Variants in RCC1L observed in about 807,000 individuals in gnomAD.
RCC1L encodes RCC1 like.
RCC1L carries 46 observed loss-of-function variants against 58.6 expected under a neutral mutation model. The observed-to-expected ratio is 0.79, with a 90% CI of 0.62 to 1.00. The LOEUF is 1.00. Among genes scored for constraint, RCC1L ranks in the 50% least tolerant of loss-of-function variants. The pLI is 0.00. For missense variants in RCC1L, 636 were observed against 623.6 expected, an observed-to-expected ratio of 1.02 and a Z score of -0.21; for synonymous variants, 281 against 262.9, an observed-to-expected ratio of 1.07 and a Z score of -0.67.
intron 3 of RCC1L, among the ~76,000 whole-genome samples, chr7:75,065,392 TAA>T (rs1806435432): frequency 6.6e-6 from 1 of 151,366 alleles, no homozygotes; most frequent in Admixed American, 6.6e-5. Context: ...CTGTCTCTAC[TAA>T]AAATACAAAA....
rs913041049 is a variant in RCC1L, at chr7:75,058,682, C to T, written c.875G>A (p.Gly292Asp). The change falls in exon 7 of 11, where the codon GGT (glycine) becomes GAT (aspartate). Residue 292 changes from glycine to aspartate, a missense_variant. Coordinates refer to ENST00000610322, the MANE Select transcript of RCC1L (RefSeq NM_030798.5). ...GGCGGACACGGCCAGGCAGCAATCA[C>T]CGTAGGTGGCAACTTGGATAACGTT... ...GVNVIQVATY[G>D]DCCLAVSADG... 2.0e-5 allele frequency: 33 copies of T among 1,613,888 alleles called. No homozygotes were observed. Among genetic ancestry groups the T allele is most frequent in the Non-Finnish European group, 2.6e-5 (31 of 1,179,876 alleles).
intron 3 of RCC1L, among the ~76,000 whole-genome samples, chr7:75,066,287 T>C (rs1806480099): frequency 1.3e-5 from 2 of 151,528 alleles, no homozygotes; most frequent in Middle Eastern, 3.4e-3. Context: ...CCGTCTCTAC[T>C]AAAAATACAA....
At position 75,057,541 on chromosome 7, in the gene RCC1L, C is replaced by T; in HGVS notation, c.1045G>A (p.Ala349Thr). 1 of 1,613,958 alleles carries T rather than the reference C, an allele frequency of 6.2e-7. No homozygotes were observed. Among genetic ancestry groups the T allele is most frequent in the South Asian group, 1.1e-5 (1 of 91,074 alleles). The stretch of plus-strand genomic sequence containing the variant: ...AAGAAGGTCTCACCGTTTAACACTG[C>T]ACAGCCCGTGCCACCGCATGCAGCC... ...RQAACGGTGC[A>T]VLNGEGHVFV... The change falls in exon 8 of 11, where the codon GCA becomes ACA. Residue 349 changes from alanine (A) to threonine (T), a missense_variant. By Grantham distance (58) the Ala-to-Thr change is moderately conservative. Coordinates refer to ENST00000610322, the MANE Select transcript of RCC1L (RefSeq NM_030798.5).
chr7:75,027,999 C>T, exon 11 of RCC1L: 1 of 1,534,068 alleles, frequency 6.5e-7, no homozygotes, highest in Non-Finnish European at 8.7e-7. Context: ...CATGGAACTC[C>T]TTACCTGTTT....
intron 6 of RCC1L, 61 bp downstream of exon 6, chr7:75,061,146 A>G (rs1655496162): frequency 1.2e-5 from 17 of 1,391,274 alleles, no homozygotes; most frequent in Non-Finnish European, 3.1e-6. Context: ...CCTACAGCTC[A>G]CAGCTCCACA....
chr7:75,055,676 C>A, intron 9 of RCC1L: 1 of 594,796 alleles, frequency 1.7e-6, no homozygotes, highest in Non-Finnish European at 3.0e-6. Flanking sequence ...GTTAGCCTAC[C>A]CACAAACCAA....
rs183052116 is a variant in RCC1L at position 75,071,215 on chromosome 7, A to G, written c.325-446T>C. 7.1e-4 allele frequency among the ~76,000 whole-genome samples: 108 copies of G among 152,258 alleles called. No individual in the cohort carries two copies. The Middle Eastern group carries it at 0.01, about 14-fold the overall frequency. ...TTATTGAGCATTTACTATATGTTTGATAAGTATTATCTCATTTAATCTTTA... is the reference window on the plus strand; with the variant it reads ...TTATTGAGCATTTACTATATGTTTGGTAAGTATTATCTCATTTAATCTTTA... On this transcript the variant is annotated intron_variant, in intron 1 of 10. Coordinates refer to ENST00000610322, the MANE Select transcript of RCC1L (RefSeq NM_030798.5).
chr7:75,029,127 C>G (rs1805226006), intron 10 of RCC1L, among the ~76,000 whole-genome samples: 1 of 152,174 alleles, frequency 6.6e-6, no homozygotes. Context: ...GGGCCAGGCC[C>G]CTGTTAAAGC....
Position 75,061,248 on chromosome 7 carries a change from C to T in RCC1L, c.746G>A (p.Gly249Glu). ...ACCCCATCCACAAGAATAGACTTCT[C>T]CTTTATCCGTCAGGAACAGACTATG... is the stretch of plus-strand genomic sequence containing the variant. ...QDHSLFLTDK[G>E]EVYSCGWGAD... Residue 249 changes from glycine (G) to glutamate (E), a missense_variant, in exon 6 of 11, where the codon GGA becomes GAA. Transcript: ENST00000610322. 1 of 1,613,824 alleles carries T rather than the reference C, an allele frequency of 6.2e-7. No individual in the cohort carries two copies.
At chr7:75,059,322 G>A (rs964502704) in intron 6 of RCC1L, among the ~76,000 whole-genome samples, 2 of 150,950 alleles carry the variant, frequency 1.3e-5, no homozygotes, top group African/African-American at 2.4e-5. Context: ...CAGCGCAGTG[G>A]TGCGATCTCG....
At chr7:75,064,481 G>T in intron 4 of RCC1L, 101 bp downstream of exon 4, 1 of 1,311,450 alleles carries the variant, frequency 7.6e-7, no homozygotes, top group Non-Finnish European at 1.1e-6. Context: ...CCCCTCTCAG[G>T]CATGCCTCTG....
At chr7:75,072,662 C>A (rs1806806706) in intron 1 of RCC1L, among the ~76,000 whole-genome samples, 1 of 152,162 alleles carries the variant, frequency 6.6e-6, no homozygotes, top group South Asian at 2.1e-4. Flanking sequence ...TGGATATAGA[C>A]CAAAGATGGT....
rs1168908928 is a variant in RCC1L, at chr7:75,042,788, C to T, written c.*244G>A. The T allele has an allele frequency of 4.2e-6, 6 of 1,429,810 alleles. No individual in the cohort carries two copies. Among genetic ancestry groups the T allele is most frequent in the Non-Finnish European group, 5.5e-6 (6 of 1,086,830 alleles). The allele number at this position is 1,429,810 out of a possible 1,614,324, so 88.6% of individuals were successfully genotyped here. A position where few individuals can be genotyped will look rare whatever the true frequency, so the allele number is the denominator to read the frequency against. On this transcript the variant is annotated 3_prime_UTR_variant, in exon 11 of 11. Transcript: ENST00000610322. ...GGAGAGAACAGAGACGTGCGGGCCA[C>T]AGCGGCCCACCAAAGGCTGCCATCC...
downstream of RCC1L, among the ~76,000 whole-genome samples, chr7:75,038,601 GGGAAGTCAGACCAGGCAGGGGTGGA>G (rs1166512035): frequency 2.6e-5 from 4 of 151,436 alleles, no homozygotes; most frequent in East Asian, 1.9e-4. Flanking sequence ...GTGCCTAGAT[GGGAAGTCAGACCAGGCAGGGGTGGA>G]GGAAGTCAGA....
Position 75,073,500 on chromosome 7 carries a change from G to A in RCC1L, c.238C>T (p.Pro80Ser). Residue 80 changes from proline (P) to serine (S), a missense_variant, in exon 1 of 11, where the codon CCC (proline) becomes TCC (serine). Pro to Ser is a moderately conservative substitution (Grantham distance 74). Coordinates refer to ENST00000610322, the MANE Select transcript of RCC1L (RefSeq NM_030798.5). The stretch of plus-strand genomic sequence containing the variant: ...GCGCGGGGCCCGGGCCCGGAGCTGG[G>A]CACCACAAAGGAAGGCACGCCCAGC... Reference protein sequence around the residue: ...GALGVPSFVVPSSGPGPRAGA... With the variant: ...GALGVPSFVVSSSGPGPRAGA... 1 of 1,415,778 alleles carries A rather than the reference G, an allele frequency of 7.1e-7. No homozygotes were observed. The highest frequency in any genetic ancestry group is 9.2e-7 in the Non-Finnish European group (1 of 1,091,206). The allele number at this position is 1,415,778 out of a possible 1,614,324, so 87.7% of individuals were successfully genotyped here.
chr7:75,050,463 T>G (rs1805869334), intron 10 of RCC1L, among the ~76,000 whole-genome samples: 1 of 152,154 alleles, frequency 6.6e-6, no homozygotes, highest in Admixed American at 6.5e-5. Flanking sequence ...CAACGTGACC[T>G]GAGTCAAATC....
At chr7:75,038,692 C>G (rs1005382715), downstream of RCC1L, among the ~76,000 whole-genome samples, 3,243 of 152,236 alleles carry the variant, frequency 0.021, 58 homozygotes, top group Middle Eastern at 0.12. Flanking sequence ...GGATCAGGGC[C>G]TGTGGGTAGT....
chr7:75,051,178 AAT>A (rs1191235849), intron 10 of RCC1L, among the ~76,000 whole-genome samples: 3 of 147,088 alleles, frequency 2.0e-5, no homozygotes, highest in Non-Finnish European at 3.0e-5. Context: ...TCTTGGAAAA[AAT>A]ATATATATAT....
At position 75,073,751 on chromosome 7, in the gene RCC1L, C is replaced by T. The variant is rs1477804508; in HGVS notation, c.-14G>A. The T allele has an allele frequency of 2.0e-6, 3 of 1,497,248 alleles. No individual in the cohort carries two copies. Among genetic ancestry groups the T allele is most frequent in the South Asian group, 1.3e-5 (1 of 79,334 alleles). 92.7% of individuals were successfully genotyped at this position (1,497,248 alleles called of 1,614,324 possible). ...CACCAGCGCCATCCTCCGTTCCGCG[C>T]CTCAGCAGCCTCTGGGCGCCGCCAT... On this transcript the variant is annotated 5_prime_UTR_variant, in exon 1 of 11. Coordinates refer to ENST00000610322, the MANE Select transcript of RCC1L (RefSeq NM_030798.5).
Sources: gnomAD v4.1 joint callset for allele counts (sites outside exome capture counted in the v4.1 genomes callset) on GRCh38, gnomAD v4.1.1 for gene constraint, MANE v1.5 for transcripts, NCBI Gene and HGNC (gene_info 2026-07-23, HGNC 2026-07-21) for gene names.